PLK3: variants seen among roughly 807,000 people sequenced by gnomAD.
The protein encoded by PLK3 is polo like kinase 3, also known as serine/threonine-protein kinase PLK3.
A neutral mutation model predicts 71.6 loss-of-function variants in PLK3; 41 were observed. The ratio of observed to expected loss-of-function variants is 0.57; its 90% CI spans 0.45 to 0.74. PLK3 has a LOEUF of 0.74. Ranked by LOEUF, PLK3 falls within the 30% of genes least tolerant of loss-of-function variation. The pLI is 0.00. For missense variants in PLK3, 791 were observed against 875.6 expected, an observed-to-expected ratio of 0.90 and a Z score of 1.22; for synonymous variants, 366 against 355.4, an observed-to-expected ratio of 1.03 and a Z score of -0.33.
chr1:44,800,471 C>A lies in PLK3; in HGVS notation c.8C>A (p.Pro3His). The change falls in exon 1 of 15, where the codon CCT becomes CAT. Residue 3 changes from proline (P) to histidine (H), a missense_variant. Pro to His is a moderately conservative substitution (Grantham distance 77). Coordinates refer to ENST00000372201, the MANE Select transcript of PLK3 (RefSeq NM_004073.4). The surrounding 1 kb of genome is among the most constrained non-coding windows in gnomAD (Gnocchi z 6.5). ME[P>H]AAGFLSPRPF... ...CTGCGACGCGCCGGCCGCATGGAGC[C>A]TGCCGCCGGTTTCCTGTCTCCGCGC... The A allele has an allele frequency of 1.4e-6, 2 of 1,417,970 alleles. No individual in the cohort carries two copies. Among genetic ancestry groups the A allele is most frequent in the East Asian group, 3.1e-5 (1 of 32,402 alleles). The allele number at this position is 1,417,970 out of a possible 1,614,324, so 87.8% of individuals were successfully genotyped here.
chr1:44,800,690 C>A lies in PLK3; in HGVS notation c.210+17C>A. The stretch of plus-strand genomic sequence containing the variant: ...TTGGGCAAGGTGGGCCGAGGGACGT[C>A]CGCGGGGTGGTGATGGTGGAGGTGG... On this transcript the variant is annotated intron_variant, in intron 1 of 14. Transcript: ENST00000372201. The surrounding 1 kb of genome is among the most constrained non-coding windows in gnomAD (Gnocchi z 6.5). The A allele has an allele frequency of 6.4e-7, 1 of 1,551,344 alleles. No homozygotes were observed. The highest frequency in any genetic ancestry group is 8.7e-7 in the Non-Finnish European group (1 of 1,152,840).
rs372956515 is a variant in PLK3, at chr1:44,801,747, G to A, written c.561G>A (p.Lys187=). 2.7e-6 allele frequency: 4 copies of A among 1,477,866 alleles called. No homozygotes were observed. The highest frequency in any genetic ancestry group is 2.9e-5 in the African/African-American group (2 of 69,950). 91.5% of individuals were successfully genotyped at this position (1,477,866 alleles called of 1,614,324 possible). A position where few individuals can be genotyped will look rare whatever the true frequency, so the allele number is the denominator to read the frequency against. ...GCGGCATCTTGCACCGGGACCTCAA[G>A]TTGGGTGAGACTCCTGAGCCTGGAG... ...HQRGILHRDL[K]LGNFFITENM... Residue 187 remains lysine, a synonymous_variant, in exon 4 of 15, where the codon AAG becomes AAA. Transcript: ENST00000372201.
In PLK3 at chr1:44,801,891, T is replaced by C. The variant is rs747786002; in HGVS notation, c.612T>C (p.Phe204=). 2 of 1,613,854 alleles carry C rather than the reference T, an allele frequency of 1.2e-6. No homozygotes were observed. Among genetic ancestry groups the C allele is most frequent in the Non-Finnish European group, 1.7e-6 (2 of 1,179,856 alleles). ...ACATGGAACTGAAGGTGGGGGATTT[T>C]GGGCTGGCAGCCCGGTTGGAGCCTC... The part of the protein sequence containing the change: ...TENMELKVGD[F]GLAARLEPPE... The change falls in exon 5 of 15, where the codon TTT becomes TTC. Residue 204 remains phenylalanine (F), a synonymous_variant. Transcript: ENST00000372201.
rs1295343451 is a variant in PLK3, at chr1:44,803,628, G to A, written c.1101G>A (p.Glu367=). 3.1e-6 allele frequency: 5 copies of A among 1,613,930 alleles called. No homozygotes were observed. Among genetic ancestry groups the A allele is most frequent in the African/African-American group, 1.3e-5 (1 of 74,914 alleles). Reference sequence around the variant, plus strand: ...AGAATCATGCCCAGGAGAGGGATGAGGTCTCCGGTTTGGTGAGCGGCCTCA... The same window carrying A: ...AGAATCATGCCCAGGAGAGGGATGAAGTCTCCGGTTTGGTGAGCGGCCTCA... ...KSKNHAQERD[E]VSGLVSGLMR... is the part of the protein sequence containing the mutation. The change falls in exon 9 of 15, where the codon GAG becomes GAA. Residue 367 remains glutamate, a synonymous_variant. Coordinates refer to ENST00000372201, the MANE Select transcript of PLK3 (RefSeq NM_004073.4). This position sits in a 1 kb window ranked among gnomAD's most constrained non-coding sequence, Gnocchi z 4.3.
chr1:44,804,592 T>G (rs1458134609), intron 12 of PLK3, 58 bp from the exon 13 acceptor site: 3 of 1,604,444 alleles, frequency 1.9e-6, no homozygotes, highest in Non-Finnish European at 2.6e-6. Flanking sequence ...GGGTCTGGGT[T>G]TCTCAGAGGA....
Position 44,803,671 on chromosome 1 carries a change from C to T in PLK3, c.1144C>T (p.His382Tyr). ...VSGLMRTSVG[H>Y]QDARPEAPAA... ...CGGCCTCATGCGCACATCCGTTGGC[C>T]ATCAGGATGCCAGGCCAGAGGTGAG... The change falls in exon 9 of 15, where the codon CAT (histidine) becomes TAT (tyrosine). Residue 382 changes from histidine (H) to tyrosine (Y), a missense_variant. Transcript: ENST00000372201. This position sits in a 1 kb window ranked among gnomAD's most constrained non-coding sequence, Gnocchi z 4.3. 1 of 1,613,094 alleles carries T rather than the reference C, an allele frequency of 6.2e-7. No individual in the cohort carries two copies. Among genetic ancestry groups the T allele is most frequent in the Non-Finnish European group, 8.5e-7 (1 of 1,179,398 alleles).
At chr1:44,804,931 C>G in intron 13 of PLK3, 152 bp downstream of exon 13, 1 of 700,922 alleles carries the variant, frequency 1.4e-6, no homozygotes, top group East Asian at 2.8e-5. Flanking sequence ...AGGTGAAACC[C>G]CGTCTCTACT....
Position 44,803,266 on chromosome 1 carries a change from A to G in PLK3, c.949-2A>G, listed in dbSNP as rs745538513. On this transcript the variant is annotated splice_acceptor_variant, in intron 7 of 14. Coordinates refer to ENST00000372201, the MANE Select transcript of PLK3 (RefSeq NM_004073.4). LOFTEE classifies it high-confidence loss of function. This position sits in a 1 kb window ranked among gnomAD's most constrained non-coding sequence, Gnocchi z 4.3. ...CTCTGTTCACATGGTTCCCCTCCCT[A>G]GGGCTACACCCCCGATCGACTCCCT... 4.3e-6 allele frequency: 7 copies of G among 1,613,932 alleles called. No individual in the cohort carries two copies. In the South Asian group the frequency reaches 7.7e-5, roughly 18 times the overall value.
chr1:44,805,817 TG>T lies in PLK3; in HGVS notation c.*144del. ...AATCAGGGACCAGCTTTACTGGAGTTGGGGGCGGCTTGTCTTCGCTGGCTCC... is the reference window on the plus strand; with the variant it reads ...AATCAGGGACCAGCTTTACTGGAGTTGGGGCGGCTTGTCTTCGCTGGCTCC... On this transcript the variant is annotated 3_prime_UTR_variant, in exon 15 of 15. Coordinates refer to ENST00000372201, the MANE Select transcript of PLK3 (RefSeq NM_004073.4). 7.7e-7 allele frequency: 1 copy of T among 1,304,692 alleles called. No homozygotes were observed. The highest frequency in any genetic ancestry group is 1.5e-5 in the African/African-American group (1 of 67,050). The allele number at this position is 1,304,692 out of a possible 1,614,324, so 80.8% of individuals were successfully genotyped here.
In PLK3 at chr1:44,803,600, G is replaced by A. The variant is rs1369251645; in HGVS notation, c.1073G>A (p.Ser358Asn). 1.9e-6 allele frequency: 3 copies of A among 1,613,478 alleles called. No homozygotes were observed. In the African/African-American group the frequency reaches 4.0e-5, roughly 22 times the overall value. The change falls in exon 9 of 15, where the codon AGT (serine) becomes AAT (asparagine). Residue 358 changes from serine (S) to asparagine (N), a missense_variant and splice_region_variant. Coordinates refer to ENST00000372201, the MANE Select transcript of PLK3 (RefSeq NM_004073.4). This position sits in a 1 kb window ranked among gnomAD's most constrained non-coding sequence, Gnocchi z 4.3. ...GGACGGTATCACCTTTCACCCCCAG[G>A]TAAGAATCATGCCCAGGAGAGGGAT... ...TKSLFGRKKKSKNHAQERDEV... is the reference protein window; with the variant it reads ...TKSLFGRKKKNKNHAQERDEV...
In PLK3 at chr1:44,803,236, C is replaced by T. The variant is rs767729881; in HGVS notation, c.949-32C>T. On this transcript the variant is annotated intron_variant, in intron 7 of 14. Transcript: ENST00000372201. This position sits in a 1 kb window ranked among gnomAD's most constrained non-coding sequence, Gnocchi z 4.3. ...GCAGGTGACAGGACCCCTGGAGCCTCTCTTCTCTGTTCACATGGTTCCCCT... is the reference window on the plus strand; with the variant it reads ...GCAGGTGACAGGACCCCTGGAGCCTTTCTTCTCTGTTCACATGGTTCCCCT... The T allele has an allele frequency of 6.2e-7, 1 of 1,612,994 alleles. No homozygotes were observed. Among genetic ancestry groups the T allele is most frequent in the East Asian group, 2.2e-5 (1 of 44,838 alleles).
rs376266847 is a variant in PLK3, at chr1:44,803,268, G to C, written c.949G>C (p.Gly317Arg). Residue 317 changes from glycine to arginine, a missense_variant and splice_region_variant, in exon 8 of 15, where the codon GGC becomes CGC. By Grantham distance (125) the Gly-to-Arg change is moderately radical (BLOSUM62 -2). Transcript: ENST00000372201. The surrounding 1 kb of genome is among the most constrained non-coding windows in gnomAD (Gnocchi z 4.3). The part of the protein sequence containing the change: ...QILRHDFFTK[G>R]YTPDRLPISS... The stretch of plus-strand genomic sequence containing the variant: ...CTGTTCACATGGTTCCCCTCCCTAG[G>C]GCTACACCCCCGATCGACTCCCTAT... 36 of 1,613,994 alleles carry C rather than the reference G, an allele frequency of 2.2e-5. 1 individual carries two copies. Among genetic ancestry groups the C allele is most frequent in the Admixed American group, 3.3e-5 (2 of 60,000 alleles).
Position 44,800,968 on chromosome 1 carries a change from C to A in PLK3, c.318+21C>A, listed in dbSNP as rs773103069. Reference sequence around the variant, plus strand: ...AGAAGGTGGGTCCAGGCTCAGCGGGCGAGGGGTGGGGTGGGGACGGTGGCA... The same window carrying A: ...AGAAGGTGGGTCCAGGCTCAGCGGGAGAGGGGTGGGGTGGGGACGGTGGCA... On this transcript the variant is annotated intron_variant, in intron 2 of 14. Transcript: ENST00000372201. The surrounding 1 kb of genome is among the most constrained non-coding windows in gnomAD (Gnocchi z 6.5). The A allele has an allele frequency of 6.2e-7, 1 of 1,609,996 alleles. No individual in the cohort carries two copies. Among genetic ancestry groups the A allele is most frequent in the Non-Finnish European group, 8.5e-7 (1 of 1,176,982 alleles).
In PLK3 at chr1:44,800,678, G is replaced by C; in HGVS notation, c.210+5G>C. 1 of 1,551,928 alleles carries C rather than the reference G, an allele frequency of 6.4e-7. No homozygotes were observed. Among genetic ancestry groups the C allele is most frequent in the Admixed American group, 1.9e-5 (1 of 52,244 alleles). On this transcript the variant is annotated splice_donor_5th_base_variant and intron_variant, in intron 1 of 14. Coordinates refer to ENST00000372201, the MANE Select transcript of PLK3 (RefSeq NM_004073.4). This position sits in a 1 kb window ranked among gnomAD's most constrained non-coding sequence, Gnocchi z 6.5. ...AAAGGCCGCTTGTTGGGCAAGGTGGGCCGAGGGACGTCCGCGGGGTGGTGA... is the reference window on the plus strand; with the variant it reads ...AAAGGCCGCTTGTTGGGCAAGGTGGCCCGAGGGACGTCCGCGGGGTGGTGA...
intron 6 of PLK3, 22 bp downstream of exon 6, chr1:44,802,877 C>G (rs755548609): frequency 6.2e-7 from 1 of 1,608,770 alleles, no homozygotes; most frequent in Non-Finnish European, 8.5e-7. Flanking sequence ...GGTCCAGGTT[C>G]AGCAGCAGAC....
intron 13 of PLK3, chr1:44,805,063 A>G: frequency 1.7e-6 from 1 of 584,326 alleles, no homozygotes; most frequent in Non-Finnish European, 3.0e-6. Flanking sequence ...GAGATGGCGC[A>G]CCATTGCACT....
In PLK3 at chr1:44,805,499, G is replaced by C. The variant is rs1229088554; in HGVS notation, c.1762G>C (p.Gly588Arg). The change falls in exon 15 of 15, where the codon GGG (glycine) becomes CGG (arginine). Residue 588 changes from glycine (G) to arginine (R), a missense_variant. By Grantham distance (125) the Gly-to-Arg change is moderately radical. Coordinates refer to ENST00000372201, the MANE Select transcript of PLK3 (RefSeq NM_004073.4). ...SDGTVQVNFY[G>R]DHTKLILSGW... is the part of the protein sequence containing the mutation. Reference sequence around the variant, plus strand: ...GCTCTGTGTGCAGGTGAACTTCTACGGGGACCACACCAAGCTGATTCTCAG... The same window carrying C: ...GCTCTGTGTGCAGGTGAACTTCTACCGGGACCACACCAAGCTGATTCTCAG... 3.1e-6 allele frequency: 5 copies of C among 1,614,120 alleles called. No individual in the cohort carries two copies. Among genetic ancestry groups the C allele is most frequent in the Non-Finnish European group, 4.2e-6 (5 of 1,179,972 alleles).
Position 44,803,831 on chromosome 1 carries a change from G to T in PLK3, c.1165-100G>T. 8.7e-7 allele frequency: 1 copy of T among 1,149,884 alleles called. No individual in the cohort carries two copies. The highest frequency in any genetic ancestry group is 1.3e-5 in the South Asian group (1 of 74,274). The allele number at this position is 1,149,884 out of a possible 1,614,324, so 71.2% of individuals were successfully genotyped here. ...TGTGTGTCACCAGCCTGGCGGGGCTGACCTGGGGTGCCCTGGGAGCCAGGG... is the reference window on the plus strand; with the variant it reads ...TGTGTGTCACCAGCCTGGCGGGGCTTACCTGGGGTGCCCTGGGAGCCAGGG... On this transcript the variant is annotated intron_variant, in intron 9 of 14. Transcript: ENST00000372201. This position sits in a 1 kb window ranked among gnomAD's most constrained non-coding sequence, Gnocchi z 4.3.
At chr1:44,805,219 G>C (rs1188171692) in intron 13 of PLK3, 47 bp from the exon 14 acceptor site, 1 of 1,231,818 alleles carries the variant, frequency 8.1e-7, no homozygotes, top group Non-Finnish European at 1.2e-6. Flanking sequence ...AATGGGGAGG[G>C]GGCTGTCTCA....
Sources: gnomAD v4.1 joint callset for allele counts on GRCh38, gnomAD v4.1.1 for gene constraint, Gnocchi (gnomAD v3.1) non-coding constraint, MANE v1.5 for transcripts, NCBI Gene and HGNC (gene_info 2026-07-23, HGNC 2026-07-21) for gene names.